The following MYOT variants were observed in gnomAD, a reference collection of about 807,000 sequenced individuals.
MYOT encodes the protein myotilin.
A neutral mutation model predicts 58.0 loss-of-function variants in MYOT; 36 were observed. The ratio of observed to expected loss-of-function variants is 0.62; its 90% CI spans 0.48 to 0.82. MYOT has a LOEUF of 0.82. Ranked by LOEUF, MYOT falls within the 40% of genes least tolerant of loss-of-function variation. The probability of loss-of-function intolerance (pLI) is 0.00; values close to 1 mark genes in which losing one functional copy is unlikely to be tolerated. For synonymous variants in MYOT, 218 were observed against 204.6 expected (o/e 1.07, Z -0.56); for missense variants, 505 against 592.1 (o/e 0.85, Z 1.53).
At chr5:137,881,766 G>A (rs567111705) in intron 5 of MYOT, among the ~76,000 whole-genome samples, 3 of 151,820 alleles carry the variant, frequency 2.0e-5, no homozygotes, top group East Asian at 1.9e-4. Context: ...ACGCGATCTC[G>A]GCTCACTGCA....
Position 137,887,274 on chromosome 5 carries a change from A to G in MYOT, c.1386A>G (p.Lys462=), listed in dbSNP as rs758512747. The G allele has an allele frequency of 2.5e-6, 4 of 1,614,074 alleles. No individual in the cohort carries two copies. The highest frequency in any genetic ancestry group is 3.4e-6 in the Non-Finnish European group (4 of 1,179,992). The change falls in exon 10 of 10, where the codon AAA becomes AAG. Residue 462 remains lysine (K), a synonymous_variant. Transcript: ENST00000239926. ...KQLRVRPTFS[K]YLALNGKGLN... The stretch of plus-strand genomic sequence containing the variant: ...TACGGGTTCGACCAACATTCAGCAA[A>G]TATTTAGCACTTAATGGGAAAGGTT...
chr5:137,882,737 A>T (rs1427243259), intron 6 of MYOT: 1 of 156,300 alleles, frequency 6.4e-6, no homozygotes, highest in Non-Finnish European at 1.4e-5. Context: ...TCTATCAAGA[A>T]ATTCAAGCCA....
intron 2 of MYOT, among the ~76,000 whole-genome samples, chr5:137,874,207 C>G (rs1414452959): frequency 6.6e-6 from 1 of 152,070 alleles, no homozygotes; most frequent in Admixed American, 6.5e-5. Flanking sequence ...TGGCTCAAGC[C>G]TGTAATCCCA....
At chr5:137,880,894 A>C in intron 5 of MYOT, 29 bp downstream of exon 5, 1 of 1,424,284 alleles carries the variant, frequency 7.0e-7, no homozygotes, top group Non-Finnish European at 9.8e-7. Context: ...AAAGAAATGT[A>C]TGTTTTCCTA....
rs2149985942 is a variant in MYOT, at chr5:137,880,833, T to C, written c.651T>C (p.His217=). Residue 217 remains histidine (H), a synonymous_variant, in exon 5 of 10, where the codon CAT becomes CAC. Transcript: ENST00000239926. The part of the protein sequence containing the change: ...AQDSQQHNSE[H]ARLQVPTSQV... The stretch of plus-strand genomic sequence containing the variant: ...ATTTCAAGCAACACAACTCAGAACA[T>C]GCGCGACTGCAAGTTCCTACATCAC... The C allele has an allele frequency of 6.2e-7, 1 of 1,612,852 alleles. No individual in the cohort carries two copies. Among genetic ancestry groups the C allele is most frequent in the Non-Finnish European group, 8.5e-7 (1 of 1,179,012 alleles).
intron 1 of MYOT, among the ~76,000 whole-genome samples, chr5:137,869,146 A>G (rs1355324850): frequency 6.6e-6 from 1 of 152,214 alleles, no homozygotes; most frequent in African/African-American, 2.4e-5. Flanking sequence ...TATCCAAGAC[A>G]GTAACTAAAA....
At chr5:137,877,904 G>A (rs960295467) in intron 4 of MYOT, among the ~76,000 whole-genome samples, 1 of 152,128 alleles carries the variant, frequency 6.6e-6, no homozygotes, top group African/African-American at 2.4e-5. Flanking sequence ...TTAGACCTAG[G>A]ACTCTCTATG....
At chr5:137,870,202 A>C (rs1466808609) in intron 1 of MYOT, among the ~76,000 whole-genome samples, 2 of 149,962 alleles carry the variant, frequency 1.3e-5, no homozygotes, top group African/African-American at 4.9e-5. Context: ...TGTAGTCCTT[A>C]CTCTGGAGGG....
rs570870119 is a variant in MYOT at position 137,879,338 on chromosome 5, AAATTT to A, written c.634-1476_634-1472del. Among the ~76,000 whole-genome samples, 276 of 152,226 alleles carry A rather than the reference AAATTT, an allele frequency of 1.8e-3. 1 individual carries two copies. The highest frequency in any genetic ancestry group is 6.5e-3 in the African/African-American group (269 of 41,530). ...GAACTAGAAACTGAAAAGAGAACTT[AAATTT>A]ATTTTTGGCTACTAAACAGTTCATG... On this transcript the variant is annotated intron_variant, in intron 4 of 9. Transcript: ENST00000239926.
intron 9 of MYOT, 102 bp from the exon 10 acceptor site, chr5:137,887,111 G>T: frequency 4.5e-6 from 7 of 1,560,786 alleles, no homozygotes; most frequent in Non-Finnish European, 6.2e-6. Context: ...TATATAATCA[G>T]TTTTGGTTCT....
Position 137,881,969 on chromosome 5 carries a change from G to A in MYOT, c.684-4G>A. On this transcript the variant is annotated splice_region_variant and splice_polypyrimidine_tract_variant and intron_variant, in intron 5 of 9. Coordinates refer to ENST00000239926, the MANE Select transcript of MYOT (RefSeq NM_006790.3). ...GCATAGTTGTTACCAAAATATTCTTGTAGAAGTAGATCAACCTCAAGGGGA... is the reference window on the plus strand; with the variant it reads ...GCATAGTTGTTACCAAAATATTCTTATAGAAGTAGATCAACCTCAAGGGGA... The A allele has an allele frequency of 6.2e-7, 1 of 1,613,612 alleles. No homozygotes were observed. Among genetic ancestry groups the A allele is most frequent in the Admixed American group, 1.7e-5 (1 of 60,018 alleles).
chr5:137,874,860 G>C (rs1755160587), intron 2 of MYOT, among the ~76,000 whole-genome samples: 2 of 152,084 alleles, frequency 1.3e-5, no homozygotes. Context: ...AAATTAATAG[G>C]AATTGGAAAT....
At chr5:137,886,306 A>C in intron 8 of MYOT, 93 bp downstream of exon 8, 2 of 850,192 alleles carry the variant, frequency 2.4e-6, no homozygotes, top group Non-Finnish European at 3.7e-6. Context: ...CATTTATCTC[A>C]ATTTGTCTAG....
chr5:137,873,790 A>T (rs562867451), intron 2 of MYOT, among the ~76,000 whole-genome samples: 7 of 152,346 alleles, frequency 4.6e-5, no homozygotes, highest in Non-Finnish European at 8.8e-5. Flanking sequence ...AGCTTTCAAT[A>T]GAGTGTCCTG....
At chr5:137,868,662 C>T (rs2149977341) in intron 1 of MYOT, among the ~76,000 whole-genome samples, 1 of 152,296 alleles carries the variant, frequency 6.6e-6, no homozygotes, top group East Asian at 1.9e-4. Context: ...AAAATATCTA[C>T]TATTTCATAA....
At chr5:137,879,757 C>T (rs1399057650) in intron 4 of MYOT, among the ~76,000 whole-genome samples, 1 of 145,222 alleles carries the variant, frequency 6.9e-6, no homozygotes, top group Admixed American at 7.1e-5. Context: ...AGGATGGTCT[C>T]GATCTCCTGA....
At position 137,885,406 on chromosome 5, in the gene MYOT, T is replaced by C. The variant is rs1033339311; in HGVS notation, c.1025-642T>C. On this transcript the variant is annotated intron_variant, in intron 7 of 9. Coordinates refer to ENST00000239926, the MANE Select transcript of MYOT (RefSeq NM_006790.3). ...ATGGCTCATGGAGCCAATAGGTAAT[T>C]TGAACCCAAGCTGTCTGATACTCTT... Among the ~76,000 whole-genome samples, 8 of 152,242 alleles carry C rather than the reference T, an allele frequency of 5.3e-5. No homozygotes were observed. In the East Asian group the frequency reaches 1.5e-3, roughly 29 times the overall value.
chr5:137,884,679 A>G (rs1296448583), intron 7 of MYOT, among the ~76,000 whole-genome samples: 1 of 152,210 alleles, frequency 6.6e-6, no homozygotes, highest in Non-Finnish European at 1.5e-5. Flanking sequence ...TTTCAGGTTA[A>G]GAATGCTCAA....
At position 137,875,932 on chromosome 5, in the gene MYOT, AAAG is replaced by A; in HGVS notation, c.464_466del (p.Glu155del). 3.7e-6 allele frequency: 6 copies of A among 1,614,118 alleles called. No homozygotes were observed. The highest frequency in any genetic ancestry group is 5.1e-6 in the Non-Finnish European group (6 of 1,179,990). ...TCCTGATCATGAAATACAAGGATCA[AAAG>A]AAGCTTTGATTCAAGATTTGGAAAG... On this transcript the variant is annotated inframe_deletion, in exon 3 of 10. Transcript: ENST00000239926.
Sources: allele counts gnomAD v4.1 joint callset (sites outside exome capture counted in the v4.1 genomes callset), GRCh38; gene constraint gnomAD v4.1.1; transcripts MANE v1.5; gene names NCBI Gene and HGNC (gene_info 2026-07-23, HGNC 2026-07-21).